Variants in VTA1 observed in about 807,000 individuals in gnomAD.
The protein encoded by VTA1 is vesicle trafficking 1.
In VTA1, 24 loss-of-function variants were observed where a neutral mutation model predicts 36.9. The observed-to-expected ratio is 0.65, with a 90% CI of 0.47 to 0.91. VTA1 has a LOEUF of 0.91. Among genes scored for constraint, VTA1 ranks in the 40% least tolerant of loss-of-function variants. The pLI, the probability that VTA1 is intolerant of heterozygous loss-of-function variation, is 0.00. For synonymous variants in VTA1, 142 were observed against 130.2 expected, an observed-to-expected ratio of 1.09 and a Z score of -0.62; for missense variants, 393 against 377.2, an observed-to-expected ratio of 1.04 and a Z score of -0.35.
At chr6:142,175,352 T>C (rs1709415916) in intron 4 of VTA1, among the ~76,000 whole-genome samples, 1 of 151,968 alleles carries the variant, frequency 6.6e-6, no homozygotes, top group Admixed American at 6.6e-5. Context: ...TTGCCAGTCC[T>C]ACTTTGTAGA....
chr6:142,149,273 G>A (rs1385998704), intron 1 of VTA1, among the ~76,000 whole-genome samples: 1 of 152,116 alleles, frequency 6.6e-6, no homozygotes, highest in East Asian at 1.9e-4. Context: ...GGCTTATGAA[G>A]AAATATTTTT....
intron 1 of VTA1, among the ~76,000 whole-genome samples, chr6:142,155,709 ATCTGCCTTGACACCTCTTC>A (rs1451581582): frequency 6.6e-6 from 1 of 152,130 alleles, no homozygotes; most frequent in Non-Finnish European, 1.5e-5. Context: ...ATTCTACTTT[ATCTGCCTTGACACCTCTTC>A]TCTTCCCCAC....
intron 5 of VTA1, among the ~76,000 whole-genome samples, chr6:142,193,510 C>CT (rs771653486): frequency 1.4e-4 from 22 of 152,038 alleles, no homozygotes; most frequent in Non-Finnish European, 2.1e-4. Context: ...AGTTGGCACT[C>CT]TATCATAAGG....
At chr6:142,189,628 G>T in intron 5 of VTA1, 94 bp downstream of exon 5, 1 of 863,916 alleles carries the variant, frequency 1.2e-6, no homozygotes, top group Non-Finnish European at 1.8e-6. Flanking sequence ...ATACAGTTTT[G>T]TTTTCATCAG....
intron 7 of VTA1, among the ~76,000 whole-genome samples, chr6:142,217,610 T>G (rs939134757): frequency 6.6e-6 from 1 of 151,732 alleles, no homozygotes; most frequent in Non-Finnish European, 1.5e-5. Context: ...TAAAAGCAAC[T>G]AAACGAAGTC....
chr6:142,174,231 C>G (rs1225859000), intron 4 of VTA1, among the ~76,000 whole-genome samples: 1 of 152,188 alleles, frequency 6.6e-6, no homozygotes, highest in African/African-American at 2.4e-5. Flanking sequence ...CTGTACCCTG[C>G]AAAGCCATAG....
intron 1 of VTA1, among the ~76,000 whole-genome samples, chr6:142,148,669 T>A (rs77842143): frequency 0.014 from 2,156 of 152,208 alleles, 58 homozygotes; most frequent in African/African-American, 0.05. Context: ...ATTAAAAGCT[T>A]ATGAAGACAA....
At chr6:142,148,586 T>C (rs1281594969) in intron 1 of VTA1, among the ~76,000 whole-genome samples, 1 of 152,252 alleles carries the variant, frequency 6.6e-6, no homozygotes, top group Non-Finnish European at 1.5e-5. Context: ...TGACTACATT[T>C]GCTGCATTTT....
chr6:142,187,470 G>C (rs1385574588), intron 4 of VTA1, among the ~76,000 whole-genome samples: 1 of 152,218 alleles, frequency 6.6e-6, no homozygotes, highest in African/African-American at 2.4e-5. Flanking sequence ...GCTGACGCAT[G>C]TGGGCTCCCT....
At chr6:142,161,446 T>A (rs1421017661) in intron 1 of VTA1, among the ~76,000 whole-genome samples, 2 of 152,182 alleles carry the variant, frequency 1.3e-5, no homozygotes, top group Non-Finnish European at 2.9e-5. Context: ...AATGTTAATG[T>A]TCAAATTCTA....
At chr6:142,176,626 A>G (rs1203560848) in intron 4 of VTA1, among the ~76,000 whole-genome samples, 2 of 151,442 alleles carry the variant, frequency 1.3e-5, no homozygotes, top group African/African-American at 2.4e-5. Flanking sequence ...TAAATTTTCA[A>G]TTCTTTGCAG....
intron 5 of VTA1, among the ~76,000 whole-genome samples, chr6:142,191,559 GT>G (rs1434570922): frequency 2.0e-5 from 3 of 152,074 alleles, no homozygotes; most frequent in Non-Finnish European, 4.4e-5. Flanking sequence ...TTAAATGGAA[GT>G]TGTCATTTCT....
At chr6:142,156,333 G>A (rs927525361) in intron 1 of VTA1, among the ~76,000 whole-genome samples, 6 of 152,128 alleles carry the variant, frequency 3.9e-5, no homozygotes, top group African/African-American at 1.4e-4. Context: ...ACAATCCATG[G>A]CAAAAGAAAA....
intron 6 of VTA1, among the ~76,000 whole-genome samples, chr6:142,200,373 A>G (rs1403819798): frequency 6.6e-6 from 1 of 152,000 alleles, no homozygotes; most frequent in Non-Finnish European, 1.5e-5. Flanking sequence ...AACACTTAAA[A>G]TTATTATGCG....
At chr6:142,148,376 A>T (rs1562252293) in intron 1 of VTA1, among the ~76,000 whole-genome samples, 1 of 152,150 alleles carries the variant, frequency 6.6e-6, no homozygotes. Flanking sequence ...CACTTGGCAA[A>T]CTCATGATTC....
intron 5 of VTA1, among the ~76,000 whole-genome samples, chr6:142,192,495 A>G (rs890218034): frequency 8.6e-5 from 13 of 152,000 alleles, no homozygotes; most frequent in Admixed American, 6.5e-4. Context: ...TTCATTTTAT[A>G]TGGTAAATTT....
chr6:142,150,665 G>T (rs1334947365), intron 1 of VTA1, among the ~76,000 whole-genome samples: 1 of 152,116 alleles, frequency 6.6e-6, no homozygotes, highest in Non-Finnish European at 1.5e-5. Context: ...GTCTTACATT[G>T]AAGAAAACCA....
chr6:142,156,529 G>T (rs1778665932), intron 1 of VTA1, among the ~76,000 whole-genome samples: 1 of 152,172 alleles, frequency 6.6e-6, no homozygotes, highest in African/African-American at 2.4e-5. Flanking sequence ...GATTCTGCCA[G>T]GTTTGGTGCT....
intron 1 of VTA1, among the ~76,000 whole-genome samples, chr6:142,159,522 A>T (rs1774748834): frequency 7.8e-6 from 1 of 128,850 alleles, no homozygotes; most frequent in Non-Finnish European, 1.6e-5. Context: ...TATTATTATT[A>T]TTATTATTTT....
Sources: allele counts gnomAD v4.1 joint callset (sites outside exome capture counted in the v4.1 genomes callset), GRCh38; gene constraint gnomAD v4.1.1; transcripts MANE v1.5; gene names NCBI Gene and HGNC (gene_info 2026-07-23, HGNC 2026-07-21).